Variants in SPAG16 observed in about 807,000 individuals in gnomAD.
SPAG16 encodes sperm associated antigen 16, also known as sperm-associated antigen 16 protein.
A neutral mutation model predicts 80.4 loss-of-function variants in SPAG16; 86 were observed. The observed-to-expected ratio is 1.07, with a 90% CI of 0.90 to 1.28. SPAG16 has a LOEUF of 1.28. Ranked by LOEUF, SPAG16 falls within the 50% of genes most tolerant of loss-of-function variation. The pLI, the probability that SPAG16 is intolerant of heterozygous loss-of-function variation, is 0.00. For synonymous variants in SPAG16, 294 were observed against 265.9 expected (o/e 1.11, Z -1.03); for missense variants, 870 against 765.3 (o/e 1.14, Z -1.61).
rs750867466 is a variant in SPAG16 at position 213,769,036 on chromosome 2, A to G, written c.1071-93449A>G. ...AGAAAGAATTAGTTGATGATATTAT[A>G]AAAAGGGTGAGGTCAGGTAGGAAAA... is the stretch of plus-strand genomic sequence containing the variant. On this transcript the variant is annotated intron_variant, in intron 10 of 15. Coordinates refer to ENST00000331683, the MANE Select transcript of SPAG16 (RefSeq NM_024532.5). 6.5e-4 allele frequency among the ~76,000 whole-genome samples: 99 copies of G among 152,250 alleles called. 1 individual carries two copies. The highest frequency in any genetic ancestry group is 3.4e-3 in the Middle Eastern group (1 of 294).
At chr2:214,212,703 A>G (rs143984275) in intron 15 of SPAG16, among the ~76,000 whole-genome samples, 1,819 of 152,006 alleles carry the variant, frequency 0.012, 14 homozygotes, top group African/African-American at 0.022. Context: ...AGCTAGCTCT[A>G]CTCTTTCTAT....
At chr2:213,930,895 G>C (rs2078718960) in intron 12 of SPAG16, among the ~76,000 whole-genome samples, 1 of 152,142 alleles carries the variant, frequency 6.6e-6, no homozygotes, top group Non-Finnish European at 1.5e-5. Flanking sequence ...TGTGGTCCTA[G>C]CTCTGGAAGG....
intron 9 of SPAG16, among the ~76,000 whole-genome samples, chr2:213,412,885 A>T (rs1575526366): frequency 6.6e-6 from 1 of 152,204 alleles, no homozygotes; most frequent in African/African-American, 2.4e-5. Context: ...AAAAATATGA[A>T]TTGTCTCATC....
At chr2:213,817,095 A>G (rs2072589775) in intron 10 of SPAG16, among the ~76,000 whole-genome samples, 1 of 151,668 alleles carries the variant, frequency 6.6e-6, no homozygotes, top group Non-Finnish European at 1.5e-5. Flanking sequence ...TTTAATAGGT[A>G]AAATTACACA....
At chr2:213,664,860 T>C (rs2063548013) in intron 10 of SPAG16, among the ~76,000 whole-genome samples, 2 of 152,090 alleles carry the variant, frequency 1.3e-5, no homozygotes, top group Admixed American at 6.6e-5. Context: ...CATATTCATA[T>C]ACATATTGAC....
intron 15 of SPAG16, among the ~76,000 whole-genome samples, chr2:214,314,747 A>G (rs892859655): frequency 9.9e-6 from 1 of 100,754 alleles, no homozygotes; most frequent in South Asian, 3.0e-4. Flanking sequence ...GAAATGTTTA[A>G]AAAAAGTGGG....
chr2:214,385,464 G>A (rs988388424), intron 15 of SPAG16, among the ~76,000 whole-genome samples: 2 of 152,184 alleles, frequency 1.3e-5, no homozygotes, highest in African/African-American at 2.4e-5. Context: ...AAGGCATTCT[G>A]ACTCTAGAGC....
chr2:213,643,229 G>T (rs1420788515), intron 10 of SPAG16, among the ~76,000 whole-genome samples: 1 of 149,482 alleles, frequency 6.7e-6, no homozygotes, highest in Non-Finnish European at 1.5e-5. Flanking sequence ...GGTAAAACTT[G>T]TTTTTGTTTG....
chr2:214,214,838 T>G (rs2058386572), intron 15 of SPAG16, among the ~76,000 whole-genome samples: 1 of 151,602 alleles, frequency 6.6e-6, no homozygotes, highest in African/African-American at 2.4e-5. Context: ...CATAGAAATA[T>G]TTCCTAATAG....
At chr2:214,291,551 C>T (rs928951098) in intron 15 of SPAG16, among the ~76,000 whole-genome samples, 24 of 151,652 alleles carry the variant, frequency 1.6e-4, no homozygotes, top group African/African-American at 5.1e-4. Context: ...GTGATCCGCC[C>T]GCCTCGGCCT....
At chr2:214,392,218 C>T (rs1701124223) in intron 15 of SPAG16, among the ~76,000 whole-genome samples, 1 of 152,096 alleles carries the variant, frequency 6.6e-6, no homozygotes. Context: ...GGCTGGAATG[C>T]AGTGGCAGGC....
At chr2:213,844,258 A>T (rs2074502806) in intron 10 of SPAG16, among the ~76,000 whole-genome samples, 1 of 152,234 alleles carries the variant, frequency 6.6e-6, no homozygotes, top group Admixed American at 6.5e-5. Context: ...TATCCAACAC[A>T]AAAGTTTTAT....
chr2:213,291,346 T>G (rs1034765140), intron 1 of SPAG16, among the ~76,000 whole-genome samples: 1 of 152,230 alleles, frequency 6.6e-6, no homozygotes, highest in African/African-American at 2.4e-5. Flanking sequence ...CAAACATAAG[T>G]GTCAAAGTAC....
At chr2:214,202,050 T>C (rs1366683767) in intron 15 of SPAG16, among the ~76,000 whole-genome samples, 3 of 152,108 alleles carry the variant, frequency 2.0e-5, no homozygotes, top group Non-Finnish European at 4.4e-5. Context: ...TTTTGCCACA[T>C]TGCCCAGGCT....
At chr2:213,913,595 G>T (rs142192677) in intron 11 of SPAG16, among the ~76,000 whole-genome samples, 1 of 6,576 alleles carries the variant, frequency 1.5e-4, no homozygotes, top group East Asian at 0.015. Context: ...GTACATATAT[G>T]TATATGTACA....
intron 11 of SPAG16, among the ~76,000 whole-genome samples, chr2:213,864,567 T>C (rs1193294970): frequency 6.6e-6 from 1 of 152,132 alleles, no homozygotes; most frequent in Admixed American, 6.5e-5. Context: ...ACTGTCCTCC[T>C]ATGCTCTTCA....
chr2:213,729,699 G>T (rs1574963869), intron 10 of SPAG16, among the ~76,000 whole-genome samples: 1 of 152,220 alleles, frequency 6.6e-6, no homozygotes, highest in East Asian at 1.9e-4. Context: ...AGGGACAACT[G>T]TGCTGATGTT....
At position 213,743,555 on chromosome 2, in the gene SPAG16, C is replaced by T. The variant is rs889640532; in HGVS notation, c.1071-118930C>T. Among the ~76,000 whole-genome samples the T allele has an allele frequency of 3.9e-5, 6 of 152,258 alleles. 1 individual carries two copies. The South Asian group carries it at 6.2e-4, about 16-fold the overall frequency. On this transcript the variant is annotated intron_variant, in intron 10 of 15. Coordinates refer to ENST00000331683, the MANE Select transcript of SPAG16 (RefSeq NM_024532.5). The stretch of plus-strand genomic sequence containing the variant: ...ATGCTTTTATTATTTAATATTAAGA[C>T]ATTTAAGATATTAATTCTCTGACAC...
intron 10 of SPAG16, among the ~76,000 whole-genome samples, chr2:213,543,187 A>G (rs1559237874): frequency 6.6e-6 from 1 of 152,074 alleles, no homozygotes; most frequent in African/African-American, 2.4e-5. Context: ...GAAATCGATG[A>G]GCTAAAGAGC....
Sources: allele counts gnomAD v4.1 joint callset (sites outside exome capture counted in the v4.1 genomes callset), GRCh38; gene constraint gnomAD v4.1.1; transcripts MANE v1.5; gene names NCBI Gene and HGNC (gene_info 2026-07-23, HGNC 2026-07-21).